The following POU6F2 variants were observed in gnomAD, a reference collection of about 807,000 sequenced individuals.
POU6F2 encodes POU domain, class 6, transcription factor 2.
In POU6F2, 31 loss-of-function variants were observed where a neutral mutation model predicts 71.3. That is an observed-to-expected ratio of 0.43 (90% CI 0.33 to 0.59). POU6F2 has a LOEUF of 0.59. Ranked by LOEUF, POU6F2 falls within the 20% of genes least tolerant of loss-of-function variation. The probability of loss-of-function intolerance (pLI) is 0.04; values close to 1 mark genes in which losing one functional copy is unlikely to be tolerated. For synonymous variants in POU6F2, 347 were observed against 355.7 expected, an observed-to-expected ratio of 0.98 and a Z score of 0.27; for missense variants, 783 against 856.8, an observed-to-expected ratio of 0.91 and a Z score of 1.07.
At chr7:39,264,661 C>T (rs1257178684) in intron 4 of POU6F2, among the ~76,000 whole-genome samples, 1 of 152,090 alleles carries the variant, frequency 6.6e-6, no homozygotes, top group South Asian at 2.1e-4. Flanking sequence ...TTAGTATCTG[C>T]CACAGGCTAA....
intron 5 of POU6F2, among the ~76,000 whole-genome samples, chr7:39,399,824 T>C (rs550861523): frequency 2.2e-4 from 33 of 148,734 alleles, no homozygotes; most frequent in African/African-American, 7.5e-4. Context: ...GACTCCAGCC[T>C]GGGCAACAAA....
At chr7:39,134,395 T>C (rs900161967) in intron 2 of POU6F2, among the ~76,000 whole-genome samples, 1 of 152,174 alleles carries the variant, frequency 6.6e-6, no homozygotes, top group African/African-American at 2.4e-5. Context: ...ATGCTGGTGC[T>C]GCTCTTCTGG....
rs1033101394 is a variant in POU6F2, at chr7:39,406,657, A to G, written c.1030A>G (p.Ile344Val). 3.1e-6 allele frequency: 5 copies of G among 1,613,456 alleles called. No homozygotes were observed. Among genetic ancestry groups the G allele is most frequent in the Non-Finnish European group, 4.2e-6 (5 of 1,179,722 alleles). The change falls in exon 6 of 10, where the codon ATA becomes GTA. Residue 344 changes from isoleucine (I) to valine (V), a missense_variant. Physicochemically the swap from Ile to Val is conservative, Grantham distance 29. Transcript: ENST00000518318. The stretch of plus-strand genomic sequence containing the variant: ...AGCGGCTGCAGCAGCCATGAGCTCC[A>G]TAGCAAGCTCACAGGCCTTTGGCAA... ...AAAAAAAMSS[I>V]ASSQAFGNAL...
chr7:39,448,067 A>G (rs1788565873), intron 7 of POU6F2, among the ~76,000 whole-genome samples: 1 of 152,208 alleles, frequency 6.6e-6, no homozygotes, highest in Non-Finnish European at 1.5e-5. Flanking sequence ...AGATTAATAC[A>G]CCAAAAACAT....
At chr7:39,107,724 T>A (rs1186680421) in intron 2 of POU6F2, among the ~76,000 whole-genome samples, 1 of 152,072 alleles carries the variant, frequency 6.6e-6, no homozygotes, top group African/African-American at 2.4e-5. Context: ...AGTGTCCTTA[T>A]TGCCCTTGGG....
chr7:39,114,050 C>T (rs997493229), intron 2 of POU6F2, among the ~76,000 whole-genome samples: 4 of 152,064 alleles, frequency 2.6e-5, no homozygotes, highest in South Asian at 2.1e-4. Context: ...CTAGGCTATA[C>T]GGTTTATAAA....
At chr7:39,357,819 A>G (rs1786291719) in intron 5 of POU6F2, among the ~76,000 whole-genome samples, 1 of 152,220 alleles carries the variant, frequency 6.6e-6, no homozygotes, top group Non-Finnish European at 1.5e-5. Flanking sequence ...GGAAGGGGCA[A>G]AGGGTTTCAT....
At chr7:39,317,126 C>G (rs963592850) in intron 4 of POU6F2, among the ~76,000 whole-genome samples, 2 of 152,230 alleles carry the variant, frequency 1.3e-5, no homozygotes, top group Admixed American at 6.5e-5. Context: ...CCCACCCCCT[C>G]CGCAGTAAGT....
At chr7:39,291,069 T>C (rs1784748193) in intron 4 of POU6F2, among the ~76,000 whole-genome samples, 1 of 151,532 alleles carries the variant, frequency 6.6e-6, no homozygotes, top group African/African-American at 2.4e-5. Flanking sequence ...CTCAGCATCA[T>C]TGCTTAAGGT....
At chr7:39,043,266 G>GA (rs902257954) in intron 1 of POU6F2, among the ~76,000 whole-genome samples, 6 of 151,484 alleles carry the variant, frequency 4.0e-5, no homozygotes, top group Admixed American at 1.3e-4. Context: ...AATACACTGG[G>GA]AAAAAAAATG....
At chr7:39,282,192 C>G (rs764023792) in intron 4 of POU6F2, among the ~76,000 whole-genome samples, 5 of 152,196 alleles carry the variant, frequency 3.3e-5, no homozygotes, top group Non-Finnish European at 7.4e-5. Flanking sequence ...TATATTAACT[C>G]CTTGTTGGAT....
intron 2 of POU6F2, among the ~76,000 whole-genome samples, chr7:39,153,229 G>T (rs1306819201): frequency 6.6e-6 from 1 of 152,066 alleles, no homozygotes; most frequent in East Asian, 1.9e-4. Context: ...GAGGGTTGAA[G>T]AGCAATACTG....
At chr7:39,355,295 A>G (rs1562800957) in intron 5 of POU6F2, among the ~76,000 whole-genome samples, 1 of 152,248 alleles carries the variant, frequency 6.6e-6, no homozygotes, top group African/African-American at 2.4e-5. Context: ...AATAAAAAGG[A>G]GTAGAAAATG....
chr7:39,081,239 G>C (rs1791112475), intron 1 of POU6F2, among the ~76,000 whole-genome samples: 1 of 152,208 alleles, frequency 6.6e-6, no homozygotes, highest in African/African-American at 2.4e-5. Flanking sequence ...AAGTGTTTGA[G>C]TTTAGTATTA....
At position 39,266,948 on chromosome 7, in the gene POU6F2, C is replaced by T. The variant is rs563195234; in HGVS notation, c.598+59328C>T. Among the ~76,000 whole-genome samples the T allele has an allele frequency of 2.0e-5, 3 of 152,188 alleles. No individual in the cohort carries two copies. The South Asian group carries it at 6.2e-4, about 32-fold the overall frequency. On this transcript the variant is annotated intron_variant, in intron 4 of 9. Coordinates refer to ENST00000518318, the MANE Select transcript of POU6F2 (RefSeq NM_001370959.1). ...GCAATAGAACACCAGAACTTATTCC[C>T]CCTATGTAGTGGTAACTTTGTACCT...
chr7:39,145,785 T>C (rs1050934562), intron 2 of POU6F2, among the ~76,000 whole-genome samples: 3 of 152,194 alleles, frequency 2.0e-5, no homozygotes, highest in Admixed American at 6.5e-5. Context: ...TATTGTATTA[T>C]GTTTTCTTTA....
At chr7:39,311,039 TAG>T (rs1163527384) in intron 4 of POU6F2, among the ~76,000 whole-genome samples, 1 of 152,130 alleles carries the variant, frequency 6.6e-6, no homozygotes, top group Non-Finnish European at 1.5e-5. Flanking sequence ...CCCGGTTGGA[TAG>T]AGTCATCCTG....
At chr7:39,003,869 GA>G (rs927376640) in intron 1 of POU6F2, among the ~76,000 whole-genome samples, 9 of 151,322 alleles carry the variant, frequency 5.9e-5, no homozygotes, top group African/African-American at 2.2e-4. Context: ...AATGTTAAGT[GA>G]AAAAAAATAG....
chr7:39,265,595 A>G (rs879212478), intron 4 of POU6F2, among the ~76,000 whole-genome samples: 1 of 152,256 alleles, frequency 6.6e-6, no homozygotes, highest in East Asian at 1.9e-4. Flanking sequence ...AATTAAAATA[A>G]TAATTTATTT....
Sources: allele counts gnomAD v4.1 joint callset (sites outside exome capture counted in the v4.1 genomes callset), GRCh38; gene constraint gnomAD v4.1.1; transcripts MANE v1.5; gene names NCBI Gene and HGNC (gene_info 2026-07-23, HGNC 2026-07-21).